Variants in CLASP2 observed in about 807,000 individuals in gnomAD.
CLASP2 encodes cytoplasmic linker associated protein 2.
A neutral mutation model predicts 194.4 loss-of-function variants in CLASP2; 47 were observed. That is an observed-to-expected ratio of 0.24 (90% CI 0.19 to 0.31). The LOEUF (loss-of-function observed/expected upper bound fraction) is 0.31. CLASP2 is among the 10% of genes least tolerant of loss of function. The probability of loss-of-function intolerance (pLI) is 1.00; values close to 1 mark genes in which losing one functional copy is unlikely to be tolerated. For synonymous variants in CLASP2, 619 were observed against 633.5 expected (o/e 0.98, Z 0.34); for missense variants, 1,445 against 1,823.6 (o/e 0.79, Z 3.78).
intron 22 of CLASP2, among the ~76,000 whole-genome samples, chr3:33,582,956 A>G (rs113307341): frequency 0.018 from 2,735 of 152,282 alleles, 75 homozygotes; most frequent in African/African-American, 0.062. Context: ...GGTGCCATCT[A>G]CTCAATAAAG....
intron 34 of CLASP2, among the ~76,000 whole-genome samples, chr3:33,528,528 G>A (rs570847876): frequency 2.0e-4 from 31 of 152,244 alleles, no homozygotes; most frequent in East Asian, 1.2e-3. Context: ...TTGGGATGCC[G>A]AGATGGGTGG....
chr3:33,604,923 C>A (rs1166531867), intron 16 of CLASP2, among the ~76,000 whole-genome samples: 1 of 152,156 alleles, frequency 6.6e-6, no homozygotes, highest in African/African-American at 2.4e-5. Context: ...TCAGCATAAC[C>A]AAAGCCTCTC....
intron 1 of CLASP2, among the ~76,000 whole-genome samples, chr3:33,710,278 T>C (rs1296401571): frequency 6.6e-6 from 1 of 152,216 alleles, no homozygotes; most frequent in Non-Finnish European, 1.5e-5. Flanking sequence ...AGCAAAACTG[T>C]TGTTAGTCTG....
chr3:33,645,249 C>T (rs769900113), intron 7 of CLASP2: 1 of 765,262 alleles, frequency 1.3e-6, no homozygotes, highest in Admixed American at 1.7e-5. Context: ...GCACGCCCTG[C>T]CTTATTCCTT....
At chr3:33,537,896 C>T (rs746299417) in intron 33 of CLASP2, among the ~76,000 whole-genome samples, 1 of 152,134 alleles carries the variant, frequency 6.6e-6, no homozygotes, top group South Asian at 2.1e-4. Context: ...AATCCCAGCA[C>T]TTTGGGAGGC....
intron 31 of CLASP2, 23 bp downstream of exon 31, chr3:33,544,675 C>A: frequency 6.3e-7 from 1 of 1,596,670 alleles, no homozygotes. Flanking sequence ...TATATGATAG[C>A]CAAGAAAATA....
Position 33,596,694 on chromosome 3 carries a change from G to T in CLASP2, c.1948+17C>A. 6.4e-7 allele frequency: 1 copy of T among 1,551,580 alleles called. No homozygotes were observed. The highest frequency in any genetic ancestry group is 2.4e-5 in the East Asian group (1 of 42,488). ...TCCATAAAAATCTTTAGTAGAATTAGGAAAGGAAGTTCTTACCATCCAGCT... is the reference window on the plus strand; with the variant it reads ...TCCATAAAAATCTTTAGTAGAATTATGAAAGGAAGTTCTTACCATCCAGCT... On this transcript the variant is annotated intron_variant, in intron 19 of 38. Transcript: ENST00000682230.
intron 10 of CLASP2, 44 bp from the exon 11 acceptor site, chr3:33,622,324 C>CA (rs754437355): frequency 9.9e-5 from 137 of 1,383,138 alleles, no homozygotes; most frequent in South Asian, 3.3e-4. Flanking sequence ...GGTGGAAGTG[C>CA]AAAAAAAAGA....
At chr3:33,704,132 A>G (rs913689906) in intron 1 of CLASP2, among the ~76,000 whole-genome samples, 2 of 152,156 alleles carry the variant, frequency 1.3e-5, no homozygotes, top group Non-Finnish European at 2.9e-5. Flanking sequence ...GGGCAGTAAA[A>G]CTATTCTGCA....
chr3:33,645,929 T>TATACACAC (rs893744534), intron 7 of CLASP2, among the ~76,000 whole-genome samples: 4 of 135,118 alleles, frequency 3.0e-5, no homozygotes, highest in Admixed American at 1.5e-4. Flanking sequence ...TCTCCCAGCA[T>TATACACAC]ACACACACAC....
intron 19 of CLASP2, among the ~76,000 whole-genome samples, chr3:33,595,589 C>T (rs1372675414): frequency 4.0e-5 from 6 of 151,810 alleles, no homozygotes; most frequent in East Asian, 1.9e-4. Flanking sequence ...ACTACTAAAG[C>T]GCAATAATAT....
chr3:33,546,756 T>A (rs1307210486), intron 30 of CLASP2, among the ~76,000 whole-genome samples: 1 of 152,206 alleles, frequency 6.6e-6, no homozygotes, highest in African/African-American at 2.4e-5. Context: ...TTTTGTCACA[T>A]CAGACAGCAT....
intron 22 of CLASP2, among the ~76,000 whole-genome samples, chr3:33,584,003 C>T (rs920584204): frequency 2.0e-5 from 3 of 152,138 alleles, no homozygotes; most frequent in African/African-American, 7.2e-5. Flanking sequence ...TCAAACTTAA[C>T]TAATAAATCC....
At chr3:33,624,667 C>T (rs188125820) in intron 10 of CLASP2, among the ~76,000 whole-genome samples, 47 of 151,798 alleles carry the variant, frequency 3.1e-4, no homozygotes, top group African/African-American at 1.1e-3. Flanking sequence ...TAGTAATATA[C>T]AAAAATTATA....
intron 2 of CLASP2, among the ~76,000 whole-genome samples, chr3:33,694,702 T>C (rs1575639133): frequency 6.6e-6 from 1 of 152,168 alleles, no homozygotes; most frequent in African/African-American, 2.4e-5. Context: ...ATCACTACAT[T>C]AGGCAATTTC....
chr3:33,544,596 A>C, intron 31 of CLASP2, 102 bp downstream of exon 31: 2 of 1,122,412 alleles, frequency 1.8e-6, no homozygotes, highest in African/African-American at 1.6e-5. Flanking sequence ...AAGATGCAAA[A>C]ATTATATATT....
chr3:33,528,226 G>C (rs1020127874), intron 34 of CLASP2, among the ~76,000 whole-genome samples: 15 of 151,992 alleles, frequency 9.9e-5, no homozygotes, highest in African/African-American at 3.6e-4. Flanking sequence ...AAAAAGACTT[G>C]ACAAAATTCA....
chr3:33,543,589 TA>T, intron 31 of CLASP2, 50 bp from the exon 32 acceptor site: 4 of 1,143,742 alleles, frequency 3.5e-6, no homozygotes, highest in Non-Finnish European at 5.3e-6. Context: ...TAAGTTCACT[TA>T]AAAAAACTCT....
At chr3:33,509,276 T>C (rs188719520) in intron 37 of CLASP2, among the ~76,000 whole-genome samples, 1 of 152,230 alleles carries the variant, frequency 6.6e-6, no homozygotes, top group East Asian at 1.9e-4. Context: ...GCATCTTTCC[T>C]AACTATCTTG....
Sources: gnomAD v4.1 joint callset for allele counts (sites outside exome capture counted in the v4.1 genomes callset) on GRCh38, gnomAD v4.1.1 for gene constraint, MANE v1.5 for transcripts, NCBI Gene and HGNC (gene_info 2026-07-23, HGNC 2026-07-21) for gene names.